The following SAXO1 variants were observed in gnomAD, a reference collection of about 807,000 sequenced individuals.
The protein encoded by SAXO1 is stabilizer of axonemal microtubules 1, also known as 4930500O09Rik.
SAXO1 carries 21 observed loss-of-function variants against 17.5 expected under a neutral mutation model. The observed-to-expected ratio is 1.20, with a 90% CI of 0.85 to 1.72. The LOEUF (loss-of-function observed/expected upper bound fraction) is 1.72. Among genes scored for constraint, SAXO1 ranks in the 40% most tolerant of loss-of-function variants. The pLI is 0.00. For missense variants in SAXO1, 843 were observed against 596.0 expected, an observed-to-expected ratio of 1.41 and a Z score of -4.32; for synonymous variants, 274 against 216.5, an observed-to-expected ratio of 1.27 and a Z score of -2.33.
intron 1 of SAXO1, among the ~76,000 whole-genome samples, chr9:19,038,385 A>G (rs1467185499): frequency 2.6e-5 from 4 of 152,116 alleles, no homozygotes; most frequent in East Asian, 3.9e-4. Flanking sequence ...AGACTGGATT[A>G]AGAAAATGTG....
intron 3 of SAXO1, among the ~76,000 whole-genome samples, chr9:18,940,436 G>T (rs1315272915): frequency 6.6e-6 from 1 of 152,242 alleles, no homozygotes; most frequent in Non-Finnish European, 1.5e-5. Flanking sequence ...CCAGTCTTCA[G>T]TTCCTGGAAG....
intron 1 of SAXO1, among the ~76,000 whole-genome samples, chr9:18,961,864 T>C (rs1310847176): frequency 2.0e-5 from 3 of 152,170 alleles, no homozygotes; most frequent in Admixed American, 6.5e-5. Context: ...AGTAATGGGA[T>C]TGCTGGGTCA....
At chr9:19,040,457 A>T (rs1365923344) in intron 1 of SAXO1, among the ~76,000 whole-genome samples, 1 of 152,162 alleles carries the variant, frequency 6.6e-6, no homozygotes, top group African/African-American at 2.4e-5. Flanking sequence ...AGCCCGGCTG[A>T]CATTACAAAA....
rs890067809 is a variant in SAXO1, at chr9:18,927,790, T to C, written c.*262A>G. The C allele has an allele frequency of 5.6e-5, 21 of 377,032 alleles. No individual in the cohort carries two copies. The East Asian group carries it at 7.8e-4, about 14-fold the overall frequency. 23.4% of individuals were successfully genotyped at this position (377,032 alleles called of 1,614,324 possible). On this transcript the variant is annotated 3_prime_UTR_variant, in exon 4 of 4. Coordinates refer to ENST00000380534, the MANE Select transcript of SAXO1 (RefSeq NM_153707.4). ...AGAAACCCTCACAGACCAACTTTGA[T>C]TCCATAAGCACAAAGTAAAGGACCT...
chr9:19,002,261 A>C (rs1234236105), intron 1 of SAXO1, among the ~76,000 whole-genome samples: 9 of 152,228 alleles, frequency 5.9e-5, no homozygotes. Context: ...TAGCCTACCA[A>C]CCAAAAAAAA....
intron 1 of SAXO1, among the ~76,000 whole-genome samples, chr9:18,983,478 G>T (rs1259988460): frequency 1.3e-5 from 2 of 152,146 alleles, no homozygotes; most frequent in African/African-American, 4.8e-5. Flanking sequence ...CATACCAAAA[G>T]TTTTTATAAT....
intron 3 of SAXO1, among the ~76,000 whole-genome samples, chr9:18,930,396 C>T (rs1319329799): frequency 6.6e-6 from 1 of 152,156 alleles, no homozygotes; most frequent in Non-Finnish European, 1.5e-5. Context: ...TTGAAACTGG[C>T]TTTGCCACAC....
intron 1 of SAXO1, among the ~76,000 whole-genome samples, chr9:19,045,553 G>C (rs1262018257): frequency 6.6e-6 from 1 of 152,086 alleles, no homozygotes; most frequent in Admixed American, 6.5e-5. Context: ...CTGAATATTA[G>C]CAACCTAGCT....
chr9:18,985,766 A>G (rs1200515547), intron 1 of SAXO1, among the ~76,000 whole-genome samples: 1 of 152,228 alleles, frequency 6.6e-6, no homozygotes, highest in Non-Finnish European at 1.5e-5. Flanking sequence ...ATGGTTTAAC[A>G]ATTTTGATAC....
intron 1 of SAXO1, among the ~76,000 whole-genome samples, chr9:19,043,929 G>C (rs1237965522): frequency 2.0e-5 from 3 of 152,158 alleles, no homozygotes; most frequent in Non-Finnish European, 2.9e-5. Flanking sequence ...CGGATCACCT[G>C]AGATCGGGAG....
At chr9:18,987,775 T>C (rs1311848801) in intron 1 of SAXO1, among the ~76,000 whole-genome samples, 1 of 151,940 alleles carries the variant, frequency 6.6e-6, no homozygotes, top group Non-Finnish European at 1.5e-5. Context: ...CACATGCCTG[T>C]AGTCCCAGCT....
chr9:19,003,122 A>T (rs185974972), intron 1 of SAXO1, among the ~76,000 whole-genome samples: 2 of 152,352 alleles, frequency 1.3e-5, no homozygotes, highest in Admixed American at 1.3e-4. Context: ...GAGCCAAATC[A>T]TGAGTGAACT....
intron 1 of SAXO1, among the ~76,000 whole-genome samples, chr9:18,970,868 G>C (rs1416109053): frequency 6.6e-6 from 1 of 152,136 alleles, no homozygotes; most frequent in Non-Finnish European, 1.5e-5. Flanking sequence ...GTTTATAGTT[G>C]TCCCATTGCC....
Position 18,928,346 on chromosome 9 carries a change from G to T in SAXO1, c.1131C>A (p.His377Gln). The change falls in exon 4 of 4, where the codon CAC becomes CAA. Residue 377 changes from histidine to glutamine, a missense_variant. Transcript: ENST00000380534. ...PLDCLTTTRA[H>Q]YVPHLPINTK... ...TATTGATAGGCAGGTGGGGCACATA[G>T]TGGGCCCGAGTGGTGGTCAGGCAGT... 6.2e-7 allele frequency: 1 copy of T among 1,613,576 alleles called. No individual in the cohort carries two copies. The highest frequency in any genetic ancestry group is 8.5e-7 in the Non-Finnish European group (1 of 1,179,780).
intron 1 of SAXO1, among the ~76,000 whole-genome samples, chr9:18,977,444 T>C (rs1395933513): frequency 6.6e-6 from 1 of 152,238 alleles, no homozygotes. Flanking sequence ...ATTATTCTCA[T>C]CTACATAGGA....
chr9:18,968,594 T>A (rs1385451176), intron 1 of SAXO1, among the ~76,000 whole-genome samples: 2 of 61,926 alleles, frequency 3.2e-5, no homozygotes, highest in Non-Finnish European at 7.1e-5. Flanking sequence ...ATGTCCCCCT[T>A]TTTGTTTTTT....
intron 1 of SAXO1, among the ~76,000 whole-genome samples, chr9:18,967,047 C>A (rs6475290): frequency 0.18 from 27,811 of 152,162 alleles, 5,363 homozygotes; most frequent in African/African-American, 0.49. Context: ...CATTCCAGAC[C>A]CTGTTTGCCT....
At chr9:18,944,123 AT>A (rs1831696229) in intron 2 of SAXO1, among the ~76,000 whole-genome samples, 1 of 152,180 alleles carries the variant, frequency 6.6e-6, no homozygotes, top group African/African-American at 2.4e-5. Flanking sequence ...CTTTTCCAGT[AT>A]AAAATTTAAG....
chr9:19,028,153 C>CG (rs1323379120), intron 1 of SAXO1: 4 of 1,513,642 alleles, frequency 2.6e-6, no homozygotes, highest in Non-Finnish European at 3.7e-6. Flanking sequence ...AGGCCAGCCC[C>CG]GGACTCGCGG....
Sources: allele counts gnomAD v4.1 joint callset (sites outside exome capture counted in the v4.1 genomes callset), GRCh38; gene constraint gnomAD v4.1.1; transcripts MANE v1.5; gene names NCBI Gene and HGNC (gene_info 2026-07-23, HGNC 2026-07-21).